BEX3: variants seen among roughly 807,000 people sequenced by gnomAD.
BEX3 encodes brain expressed X-linked 3.
Under a neutral mutation model 6.1 loss-of-function variants are expected in BEX3, and 1 was observed. That is an observed-to-expected ratio of 0.16 (90% CI 0.06 to 0.78). The LOEUF (loss-of-function observed/expected upper bound fraction) is 0.78. Ranked by LOEUF, BEX3 falls within the 30% of genes least tolerant of loss-of-function variation. The pLI is 0.75. For synonymous variants in BEX3, 33 were observed against 25.2 expected (o/e 1.31, Z -0.93); for missense variants, 49 against 84.7 (o/e 0.58, Z 1.65).
rs779488986 is a variant in BEX3 at position 103,377,806 on chromosome X, T to C, written c.285T>C (p.Asp95=). 1.8e-5 allele frequency: 22 copies of C among 1,199,560 alleles called. No individual in the cohort carries two copies. The highest frequency in any genetic ancestry group is 2.3e-4 in the Middle Eastern group (1 of 4,326). The change falls in exon 3 of 3, where the codon GAT becomes GAC. Residue 95 remains aspartate (D), a synonymous_variant. Coordinates refer to ENST00000361298, the MANE Select transcript of BEX3 (RefSeq NM_206917.3). The part of the protein sequence containing the change: ...GELSNHHDHH[D]EFCLMP ...TCTCTAATCACCATGACCATCATGA[T>C]GAATTTTGCCTTATGCCTTGACTCC...
In BEX3 at chrX:103,376,961, G is replaced by A. The variant is rs373978582; in HGVS notation, c.-91-67G>A. On this transcript the variant is annotated intron_variant, in intron 1 of 2. Transcript: ENST00000361298. The stretch of plus-strand genomic sequence containing the variant: ...GCACGGAAAGGGCCGGGCGGCGGCG[G>A]GTCTTCGCTAGCGTTCCGCTGCAGC... 2.4e-3 allele frequency: 323 copies of A among 133,849 alleles called. 5 individuals carry two copies. In the East Asian group the frequency reaches 0.046, roughly 19 times the overall value. 11.0% of individuals were successfully genotyped at this position (133,849 alleles called of 1,213,427 possible).
rs930925815 is a variant in BEX3, at chrX:103,378,042, A to T, written c.*215A>T. The stretch of plus-strand genomic sequence containing the variant: ...TAGTTTCACCCATTTGCATGGAAAA[A>T]TTTAAAGCTAATAAAGCAATTTAAA... On this transcript the variant is annotated 3_prime_UTR_variant, in exon 3 of 3. Transcript: ENST00000361298. 3 of 365,107 alleles carry T rather than the reference A, an allele frequency of 8.2e-6. No individual in the cohort carries two copies. Among genetic ancestry groups the T allele is most frequent in the African/African-American group, 7.8e-5 (3 of 38,517 alleles). The allele number at this position is 365,107 out of a possible 1,213,427, so 30.1% of individuals were successfully genotyped here.
upstream of BEX3, chrX:103,376,435 C>T (rs1308523788): frequency 2.7e-6 from 2 of 746,860 alleles, no homozygotes; most frequent in Non-Finnish European, 3.2e-6. Context: ...AGGGGGAGAT[C>T]CTGCTGCACT....
chrX:103,377,708 G>C lies in BEX3; in HGVS notation c.187G>C (p.Glu63Gln). ...AGATGATATGGAAATATTCATGGAG[G>C]AGATGAGAGAAATCAGAAGAAAACT... ...DGDDMEIFME[E>Q]MREIRRKLRE... The change falls in exon 3 of 3, where the codon GAG becomes CAG. Residue 63 changes from glutamate (E) to glutamine (Q), a missense_variant. Physicochemically the swap from Glu to Gln is conservative, Grantham distance 29. Coordinates refer to ENST00000361298, the MANE Select transcript of BEX3 (RefSeq NM_206917.3). The C allele has an allele frequency of 8.3e-7, 1 of 1,210,900 alleles. No homozygotes were observed. Among genetic ancestry groups the C allele is most frequent in the Non-Finnish European group, 1.1e-6 (1 of 894,844 alleles).
chrX:103,377,209 T>C, intron 2 of BEX3, 103 bp downstream of exon 2: 1 of 253,414 alleles, frequency 3.9e-6, no homozygotes, highest in Non-Finnish European at 6.9e-6. Flanking sequence ...ATACCGGTCC[T>C]CCATTTTGGT....
Position 103,376,546 on chromosome X carries a change from C to T in BEX3, c.-159C>T, listed in dbSNP as rs1927227606. On this transcript the variant is annotated 5_prime_UTR_variant, in exon 1 of 3. Transcript: ENST00000361298. ...CCTTCGGTGCAGTCGTCACTCGCGT[C>T]TGGCTACCAGCTCCCCGCTGCCCTG... 2.7e-6 allele frequency: 2 copies of T among 754,168 alleles called. No homozygotes were observed. The allele number at this position is 754,168 out of a possible 1,213,427, so 62.2% of individuals were successfully genotyped here. A position where few individuals can be genotyped will look rare whatever the true frequency, so the allele number is the denominator to read the frequency against.
chrX:103,376,870 AGGGTG>A (rs1196515873), intron 1 of BEX3, 153 bp from the exon 2 acceptor site: 1 of 2,007 alleles, frequency 5.0e-4, no homozygotes, highest in East Asian at 0.013. Flanking sequence ...TGGGCGTTCG[AGGGTG>A]GGGTGGGGGT....
intron 2 of BEX3, 72 bp downstream of exon 2, chrX:103,377,178 T>G: frequency 6.0e-6 from 1 of 166,352 alleles, no homozygotes; most frequent in Non-Finnish European, 1.1e-5. Context: ...CCCAACCCCC[T>G]CCACCCCATC....
Position 103,377,627 on chromosome X carries a change from A to G in BEX3, c.106A>G (p.Asn36Asp), listed in dbSNP as rs1448840036. 11 of 1,209,376 alleles carry G rather than the reference A, an allele frequency of 9.1e-6. No individual in the cohort carries two copies. Among genetic ancestry groups the G allele is most frequent in the Non-Finnish European group, 1.2e-5 (11 of 895,085 alleles). ...RRGQARRLAPNFRWAIPNRQI... is the reference protein window; with the variant it reads ...RRGQARRLAPDFRWAIPNRQI... ...GGGACAGGCTCGCCGACTTGCCCCTAATTTTCGATGGGCCATACCCAATAG... is the reference window on the plus strand; with the variant it reads ...GGGACAGGCTCGCCGACTTGCCCCTGATTTTCGATGGGCCATACCCAATAG... Residue 36 changes from asparagine (N) to aspartate (D), a missense_variant, in exon 3 of 3, where the codon AAT (asparagine) becomes GAT (aspartate). Physicochemically the swap from Asn to Asp is conservative, Grantham distance 23 (BLOSUM62 1). Coordinates refer to ENST00000361298, the MANE Select transcript of BEX3 (RefSeq NM_206917.3).
chrX:103,378,025 C>T lies in BEX3; in HGVS notation c.*198C>T. ...TAAGTTTCTGTCAGCAGTAGTTTCA[C>T]CCATTTGCATGGAAAAATTTAAAGC... is the stretch of plus-strand genomic sequence containing the variant. On this transcript the variant is annotated 3_prime_UTR_variant, in exon 3 of 3. Coordinates refer to ENST00000361298, the MANE Select transcript of BEX3 (RefSeq NM_206917.3). 8.1e-6 allele frequency: 3 copies of T among 368,887 alleles called. No homozygotes were observed. In the Admixed American group the frequency reaches 1.5e-4, roughly 19 times the overall value. 30.4% of individuals were successfully genotyped at this position (368,887 alleles called of 1,213,427 possible).
intron 1 of BEX3, 54 bp downstream of exon 1, chrX:103,376,667 C>A (rs931159175): frequency 1.5e-5 from 9 of 610,494 alleles, no homozygotes; most frequent in African/African-American, 2.5e-5. Context: ...GCTGACCGAC[C>A]TCGGCGACAG....
intron 1 of BEX3, 102 bp from the exon 2 acceptor site, chrX:103,376,926 C>T (rs1927242978): frequency 8.6e-6 from 1 of 116,769 alleles, no homozygotes; most frequent in Non-Finnish European, 1.7e-5. Context: ...GAGGGGAGCC[C>T]GGGCTCGGAG....
chrX:103,376,483 G>A (rs902274408), upstream of BEX3: 6 of 750,391 alleles, frequency 8.0e-6, no homozygotes, highest in Non-Finnish European at 9.4e-6. Flanking sequence ...GTGGTGACGC[G>A]CGGCCCTCAC....
rs1927293528 is a variant in BEX3 at position 103,378,083 on chromosome X, T to C, written c.*256T>C. On this transcript the variant is annotated 3_prime_UTR_variant, in exon 3 of 3. Coordinates refer to ENST00000361298, the MANE Select transcript of BEX3 (RefSeq NM_206917.3). ...GCAATTTAAAAAGCAATCTATACAT[T>C]TATTGTCTCATTAAAAATGTATACT... is the stretch of plus-strand genomic sequence containing the variant. 6 of 327,443 alleles carry C rather than the reference T, an allele frequency of 1.8e-5. No individual in the cohort carries two copies. In the East Asian group the frequency reaches 2.9e-4, roughly 16 times the overall value. 27.0% of individuals were successfully genotyped at this position (327,443 alleles called of 1,213,427 possible). A position where few individuals can be genotyped will look rare whatever the true frequency, so the allele number is the denominator to read the frequency against.
chrX:103,376,446 G>A, upstream of BEX3: 1 of 751,702 alleles, frequency 1.3e-6, no homozygotes, highest in Non-Finnish European at 1.6e-6. Context: ...CTGCTGCACT[G>A]GCCGCCCAAG....
rs1029253927 is a variant in BEX3, at chrX:103,376,606, C to G, written c.-99C>G. 5.3e-6 allele frequency: 4 copies of G among 752,204 alleles called. No individual in the cohort carries two copies. The highest frequency in any genetic ancestry group is 6.3e-6 in the Non-Finnish European group (4 of 637,405). 62.0% of individuals were successfully genotyped at this position (752,204 alleles called of 1,213,427 possible). A position where few individuals can be genotyped will look rare whatever the true frequency, so the allele number is the denominator to read the frequency against. ...GGCTGGCATTCGGCCCGGGGAAAAG[C>G]GGAGCAGGTAAGGGCTCCGGGGCCC... On this transcript the variant is annotated 5_prime_UTR_variant, in exon 1 of 3. Coordinates refer to ENST00000361298, the MANE Select transcript of BEX3 (RefSeq NM_206917.3).
rs1334177169 is a variant in BEX3, at chrX:103,377,676, G to T, written c.155G>T (p.Gly52Val). ...AGGCAGATCAATGATGGGATGGGTG[G>T]AGATGGAGATGATATGGAAATATTC... ...PNRQINDGMGGDGDDMEIFME... is the reference protein window; with the variant it reads ...PNRQINDGMGVDGDDMEIFME... Residue 52 changes from glycine (G) to valine (V), a missense_variant, in exon 3 of 3, where the codon GGA (glycine) becomes GTA (valine). Physicochemically the swap from Gly to Val is moderately radical, Grantham distance 109. Coordinates refer to ENST00000361298, the MANE Select transcript of BEX3 (RefSeq NM_206917.3). 3 of 1,210,842 alleles carry T rather than the reference G, an allele frequency of 2.5e-6. No homozygotes were observed. Among genetic ancestry groups the T allele is most frequent in the Non-Finnish European group, 2.2e-6 (2 of 894,945 alleles).
Position 103,376,631 on chromosome X carries a change from C to T in BEX3, c.-92+18C>T. On this transcript the variant is annotated intron_variant, in intron 1 of 2. Coordinates refer to ENST00000361298, the MANE Select transcript of BEX3 (RefSeq NM_206917.3). Reference sequence around the variant, plus strand: ...CGGAGCAGGTAAGGGCTCCGGGGCCCGTGAGCCCCGGCCATGCCAGCAGCG... The same window carrying T: ...CGGAGCAGGTAAGGGCTCCGGGGCCTGTGAGCCCCGGCCATGCCAGCAGCG... 1 of 729,883 alleles carries T rather than the reference C, an allele frequency of 1.4e-6. No homozygotes were observed. The highest frequency in any genetic ancestry group is 1.6e-6 in the Non-Finnish European group (1 of 617,080). 60.2% of individuals were successfully genotyped at this position (729,883 alleles called of 1,213,427 possible).
At chrX:103,376,484 C>A (rs1927225372), upstream of BEX3, 1 of 751,938 alleles carries the variant, frequency 1.3e-6, no homozygotes, top group Non-Finnish European at 1.6e-6. Context: ...TGGTGACGCG[C>A]GGCCCTCACG....
Sources: gnomAD v4.1 joint callset for allele counts on GRCh38, gnomAD v4.1.1 for gene constraint, MANE v1.5 for transcripts, NCBI Gene and HGNC (gene_info 2026-07-23, HGNC 2026-07-21) for gene names.